The following COG7 variants were observed in gnomAD, a reference collection of about 807,000 sequenced individuals.
The protein encoded by COG7 is conserved oligomeric Golgi complex subunit 7.
Under a neutral mutation model 91.5 loss-of-function variants are expected in COG7, and 49 were observed. The ratio of observed to expected loss-of-function variants is 0.54; its 90% CI spans 0.43 to 0.68. The LOEUF (loss-of-function observed/expected upper bound fraction) is 0.68. COG7 is among the 30% of genes least tolerant of loss of function. COG7 has a pLI of 0.00. For synonymous variants in COG7, 365 were observed against 388.7 expected (o/e 0.94, Z 0.72); for missense variants, 895 against 961.3 (o/e 0.93, Z 0.91).
At chr16:23,409,064 C>CGTGTGT (rs139188327) in intron 11 of COG7, among the ~76,000 whole-genome samples, 23 of 141,474 alleles carry the variant, frequency 1.6e-4, no homozygotes, top group East Asian at 6.3e-4. Context: ...AGTGTGCATG[C>CGTGTGT]GTGTGTGTGT....
At chr16:23,447,763 G>A (rs1217404291) in intron 1 of COG7, among the ~76,000 whole-genome samples, 2 of 151,818 alleles carry the variant, frequency 1.3e-5, no homozygotes, top group Non-Finnish European at 2.9e-5. Context: ...AGCTGGGTGT[G>A]GTGGTGTGTG....
chr16:23,452,848 T>C lies in COG7; in HGVS notation c.147A>G (p.Gln49=). The C allele has an allele frequency of 1.2e-6, 2 of 1,613,532 alleles. No individual in the cohort carries two copies. The highest frequency in any genetic ancestry group is 8.5e-7 in the Non-Finnish European group (1 of 1,179,834). ...TLVMKLQLFI[Q]EVNHAVEETS... ...CACCCTCCACGGCGTGGTTCACCTCTTGGATGAACAGCTGCAGCTTCATCA... is the reference window on the plus strand; with the variant it reads ...CACCCTCCACGGCGTGGTTCACCTCCTGGATGAACAGCTGCAGCTTCATCA... The change falls in exon 1 of 17, where the codon CAA becomes CAG. Residue 49 remains glutamine, a synonymous_variant. Coordinates refer to ENST00000307149, the MANE Select transcript of COG7 (RefSeq NM_153603.4).
At chr16:23,419,399 G>T (rs570649151) in intron 7 of COG7, among the ~76,000 whole-genome samples, 1 of 136,348 alleles carries the variant, frequency 7.3e-6, no homozygotes, top group African/African-American at 2.9e-5. Context: ...CAACAAGAGC[G>T]AGACTCCATC....
chr16:23,450,628 G>T (rs1324778913), intron 1 of COG7, among the ~76,000 whole-genome samples: 1 of 151,988 alleles, frequency 6.6e-6, no homozygotes, highest in Non-Finnish European at 1.5e-5. Context: ...AGGAGTTTGA[G>T]ACCAGCCTGG....
intron 4 of COG7, among the ~76,000 whole-genome samples, chr16:23,439,102 G>C (rs922297031): frequency 6.8e-6 from 1 of 147,746 alleles, no homozygotes; most frequent in Non-Finnish European, 1.5e-5. Context: ...AGGTCACAGT[G>C]AGCCGAGATC....
chr16:23,398,746 G>A (rs1176077216), intron 13 of COG7, among the ~76,000 whole-genome samples: 1 of 152,162 alleles, frequency 6.6e-6, no homozygotes, highest in Non-Finnish European at 1.5e-5. Flanking sequence ...AACTCAGAGG[G>A]ATGGGGATGG....
chr16:23,437,872 G>A (rs954314308), intron 4 of COG7, among the ~76,000 whole-genome samples: 1 of 151,792 alleles, frequency 6.6e-6, no homozygotes, highest in Non-Finnish European at 1.5e-5. Context: ...GGATCACGAG[G>A]TCAAGAGATT....
At chr16:23,431,811 GAA>G (rs1173401499) in intron 6 of COG7, among the ~76,000 whole-genome samples, 7 of 43,220 alleles carry the variant, frequency 1.6e-4, no homozygotes, top group African/African-American at 5.7e-4. Context: ...TCTGTCTGAA[GAA>G]AAAAAAAAAA....
intron 6 of COG7, among the ~76,000 whole-genome samples, chr16:23,425,178 C>T (rs1211541161): frequency 3.3e-5 from 5 of 152,100 alleles, no homozygotes; most frequent in African/African-American, 9.7e-5. Flanking sequence ...GGTGTGATGG[C>T]GCATGCCTGT....
chr16:23,448,867 G>A (rs1236727759), intron 1 of COG7, among the ~76,000 whole-genome samples: 1 of 152,144 alleles, frequency 6.6e-6, no homozygotes, highest in Non-Finnish European at 1.5e-5. Flanking sequence ...CATAATAACT[G>A]TGCCTACCTC....
intron 14 of COG7, among the ~76,000 whole-genome samples, chr16:23,396,655 G>A (rs1460215075): frequency 1.3e-5 from 2 of 151,786 alleles, no homozygotes; most frequent in Admixed American, 6.6e-5. Context: ...CTCCAGCCTG[G>A]GTGACAGAGG....
At chr16:23,391,428 G>A (rs1423591192) in intron 16 of COG7, among the ~76,000 whole-genome samples, 1 of 152,220 alleles carries the variant, frequency 6.6e-6, no homozygotes, top group Non-Finnish European at 1.5e-5. Context: ...TCTGGTAAGT[G>A]CTGAGAGCTG....
chr16:23,402,345 ATT>A lies in COG7; in HGVS notation c.1803+1347_1803+1348del, dbSNP rs57801261. On this transcript the variant is annotated intron_variant, in intron 13 of 16. Coordinates refer to ENST00000307149, the MANE Select transcript of COG7 (RefSeq NM_153603.4). The stretch of plus-strand genomic sequence containing the variant: ...GTGGGATCTTGGAGGTATTTATTAG[ATT>A]TTTTTTTTTTGTATTTTCTTGTATT... 2.0e-4 allele frequency among the ~76,000 whole-genome samples: 29 copies of A among 148,100 alleles called. 1 individual carries two copies. Among genetic ancestry groups the A allele is most frequent in the African/African-American group, 6.2e-4 (25 of 40,564 alleles).
chr16:23,388,845 T>A lies in COG7; in HGVS notation c.*75A>T. On this transcript the variant is annotated 3_prime_UTR_variant, in exon 17 of 17. Coordinates refer to ENST00000307149, the MANE Select transcript of COG7 (RefSeq NM_153603.4). The stretch of plus-strand genomic sequence containing the variant: ...AACTTCTGCCCAATCTTGGGCAGAG[T>A]TTCTGAGCAAATCTGTGCTGGTGAG... 1 of 1,606,638 alleles carries A rather than the reference T, an allele frequency of 6.2e-7. No individual in the cohort carries two copies. Among genetic ancestry groups the A allele is most frequent in the Non-Finnish European group, 8.5e-7 (1 of 1,177,382 alleles).
intron 4 of COG7, among the ~76,000 whole-genome samples, chr16:23,442,258 C>T (rs998996466): frequency 1.3e-5 from 2 of 150,374 alleles, no homozygotes; most frequent in Non-Finnish European, 3.0e-5. Flanking sequence ...CACTTGAACC[C>T]AGGAGGTGGA....
rs1211605650 is a variant in COG7 at position 23,413,500 on chromosome 16, G to T, written c.1357C>A (p.Pro453Thr). The T allele has an allele frequency of 1.2e-6, 2 of 1,612,766 alleles. No homozygotes were observed. Among genetic ancestry groups the T allele is most frequent in the East Asian group, 4.5e-5 (2 of 44,900 alleles). ...IRKKCKLDHI[P>T]PNSLFQEDWT... ...TCTTCCTGGAAGAGGGAGTTGGGAG[G>T]AATGTGGTCCAGTTTGCACTTCTTT... The change falls in exon 10 of 17, where the codon CCT (proline) becomes ACT (threonine). Residue 453 changes from proline to threonine, a missense_variant. Pro to Thr is a conservative substitution (Grantham distance 38). Coordinates refer to ENST00000307149, the MANE Select transcript of COG7 (RefSeq NM_153603.4).
chr16:23,446,021 T>C, intron 1 of COG7, 60 bp from the exon 2 acceptor site: 2 of 1,567,864 alleles, frequency 1.3e-6, no homozygotes, highest in South Asian at 1.1e-5. Context: ...AAGGTGAAAG[T>C]TGGACCAGCC....
intron 8 of COG7, among the ~76,000 whole-genome samples, chr16:23,417,689 T>C (rs1369360419): frequency 6.6e-6 from 1 of 152,094 alleles, no homozygotes; most frequent in East Asian, 1.9e-4. Flanking sequence ...GCCTGGGAGA[T>C]CAAGGTTGAA....
At position 23,417,001 on chromosome 16, in the gene COG7, C is replaced by T. The variant is rs763101800; in HGVS notation, c.1258G>A (p.Gly420Ser). 8.1e-6 allele frequency: 13 copies of T among 1,614,056 alleles called. No homozygotes were observed. Among genetic ancestry groups the T allele is most frequent in the South Asian group, 4.4e-5 (4 of 91,086 alleles). ...AGGGATTTCAGGGCTGACAACAGGC[C>T]GCAGGTCCCCAGGCCATTGGTGAAT... Reference protein sequence around the residue: ...VRFTNGLGTCGLLSALKSLFA... With the variant: ...VRFTNGLGTCSLLSALKSLFA... Residue 420 changes from glycine (G) to serine (S), a missense_variant, in exon 9 of 17, where the codon GGC (glycine) becomes AGC (serine). By Grantham distance (56) the Gly-to-Ser change is moderately conservative (BLOSUM62 0). Transcript: ENST00000307149.
Sources: gnomAD v4.1 joint callset for allele counts (sites outside exome capture counted in the v4.1 genomes callset) on GRCh38, gnomAD v4.1.1 for gene constraint, MANE v1.5 for transcripts, NCBI Gene and HGNC (gene_info 2026-07-23, HGNC 2026-07-21) for gene names.